ANKRD26: variants seen among roughly 807,000 people sequenced by gnomAD.
ANKRD26 encodes ankyrin repeat domain-containing protein 26.
Under a neutral mutation model 208.7 loss-of-function variants are expected in ANKRD26, and 141 were observed. That is an observed-to-expected ratio of 0.68 (90% CI 0.59 to 0.78). ANKRD26 has a LOEUF of 0.78. ANKRD26 is among the 30% of genes least tolerant of loss of function. The pLI is 0.00. For synonymous variants in ANKRD26, 636 were observed against 660.4 expected (o/e 0.96, Z 0.57); for missense variants, 1,889 against 1,938.7 (o/e 0.97, Z 0.48).
chr10:27,083,134 CCT>C (rs2135636951), intron 5 of ANKRD26, among the ~76,000 whole-genome samples: 1 of 152,244 alleles, frequency 6.6e-6, no homozygotes, highest in Admixed American at 6.5e-5. Context: ...CTCTCTGCCC[CCT>C]AACTTTTTAC....
chr10:27,006,463 A>C (rs1205546938), intron 33 of ANKRD26, among the ~76,000 whole-genome samples: 2 of 152,208 alleles, frequency 1.3e-5, no homozygotes, highest in African/African-American at 2.4e-5. Flanking sequence ...ATGACTGGAG[A>C]TTTCAAATGT....
rs370491617 is a variant in ANKRD26, at chr10:27,014,577, A to G, written c.4641T>C (p.Phe1547=). 7 of 1,607,486 alleles carry G rather than the reference A, an allele frequency of 4.4e-6. No individual in the cohort carries two copies. Among genetic ancestry groups the G allele is most frequent in the Non-Finnish European group, 6.0e-6 (7 of 1,176,252 alleles). ...LSKIKTSQED[F]NKTELEKYKQ... is the part of the protein sequence containing the mutation. ...TATATTTTTCCAGTTCGGTTTTATT[A>G]AAGTCTTCTTGAGAAGTTTTTATTT... The change falls in exon 31 of 34, where the codon TTT becomes TTC. Residue 1547 remains phenylalanine (F), a synonymous_variant. Coordinates refer to ENST00000376087, the MANE Select transcript of ANKRD26 (RefSeq NM_014915.3).
At chr10:27,041,250 A>G (rs932586023) in intron 20 of ANKRD26, among the ~76,000 whole-genome samples, 14 of 151,946 alleles carry the variant, frequency 9.2e-5, no homozygotes, top group African/African-American at 3.1e-4. Context: ...CGAGAGGTAC[A>G]GAGAACCCTG....
rs536740201 is a variant in ANKRD26, at chr10:27,058,283, C to G, written c.1564+2062G>C. Among the ~76,000 whole-genome samples, 4 of 152,234 alleles carry G rather than the reference C, an allele frequency of 2.6e-5. No individual in the cohort carries two copies. In the East Asian group the frequency reaches 5.8e-4, roughly 22 times the overall value. On this transcript the variant is annotated intron_variant, in intron 15 of 33. Transcript: ENST00000376087. ...TTTAAGAATCCCTAGAATCCAATAT[C>G]CATTCAAGGGTACAAGAGGTCACAT...
chr10:27,014,789 G>T, intron 30 of ANKRD26, 78 bp from the exon 31 acceptor site: 2 of 1,221,662 alleles, frequency 1.6e-6, no homozygotes, highest in Non-Finnish European at 2.3e-6. Context: ...GTGTCTAAGG[G>T]CTGTTTTGTT....
At chr10:27,022,505 A>T (rs2053523592) in intron 29 of ANKRD26, 53 bp downstream of exon 29, 1 of 1,368,986 alleles carries the variant, frequency 7.3e-7, no homozygotes. Context: ...TGAGAAGTCT[A>T]TATTTCCCAA....
chr10:27,005,381 T>C lies in ANKRD26; in HGVS notation c.*209A>G. 7.7e-7 allele frequency: 1 copy of C among 1,290,862 alleles called. No individual in the cohort carries two copies. Among genetic ancestry groups the C allele is most frequent in the Non-Finnish European group, 9.8e-7 (1 of 1,016,974 alleles). 80.0% of individuals were successfully genotyped at this position (1,290,862 alleles called of 1,614,324 possible). On this transcript the variant is annotated 3_prime_UTR_variant, in exon 34 of 34. Transcript: ENST00000376087. ...ACAGCTCACATTTGGGCAGTTTGAG[T>C]ATGTAAAACTCAATATTCCTGGTTT...
Position 27,092,405 on chromosome 10 carries a change from C to T in ANKRD26, c.638+1G>A. The stretch of plus-strand genomic sequence containing the variant: ...ATCCAAAACAAAACCAGCTACTGTA[C>T]CTTTCCAACTTATCTACTGCATTTA... On this transcript the variant is annotated splice_donor_variant, in intron 4 of 33. Coordinates refer to ENST00000376087, the MANE Select transcript of ANKRD26 (RefSeq NM_014915.3). LOFTEE classifies it high-confidence loss of function. 6.2e-7 allele frequency: 1 copy of T among 1,601,108 alleles called. No individual in the cohort carries two copies. The highest frequency in any genetic ancestry group is 8.5e-7 in the Non-Finnish European group (1 of 1,169,684).
At chr10:27,017,117 G>A (rs1184705084) in intron 30 of ANKRD26, among the ~76,000 whole-genome samples, 6 of 152,062 alleles carry the variant, frequency 3.9e-5, no homozygotes, top group African/African-American at 1.4e-4. Flanking sequence ...TTGAATCATT[G>A]TTTCATTAGT....
chr10:27,025,227 A>C (rs1287377921), intron 27 of ANKRD26, among the ~76,000 whole-genome samples: 1 of 151,914 alleles, frequency 6.6e-6, no homozygotes, highest in African/African-American at 2.4e-5. Flanking sequence ...CTGGAGTGTA[A>C]TGGTGCAATC....
chr10:27,034,665 C>G (rs2053983691), intron 24 of ANKRD26, 131 bp downstream of exon 24: 1 of 571,316 alleles, frequency 1.8e-6, no homozygotes, highest in South Asian at 3.1e-5. Context: ...TTGCTGAAAA[C>G]AAGGGATGTT....
At position 27,017,791 on chromosome 10, in the gene ANKRD26, A is replaced by G. The variant is rs757921752; in HGVS notation, c.4217T>C (p.Ile1406Thr). ...DIQINKLKHK[I>T]DDLTAELETA... is the part of the protein sequence containing the mutation. The stretch of plus-strand genomic sequence containing the variant: ...CTCCAGTTCTGCTGTAAGATCATCA[A>G]TCTGAATGAAGACAATAATATAGTG... Residue 1406 changes from isoleucine to threonine, a missense_variant and splice_region_variant, in exon 30 of 34, where the codon ATT becomes ACT. Physicochemically the swap from Ile to Thr is moderately conservative, Grantham distance 89. This residue lies in a region of ANKRD26 where 613 missense variants were observed against 648.2 expected (regional missense o/e 0.95). Transcript: ENST00000376087. 10 of 1,611,722 alleles carry G rather than the reference A, an allele frequency of 6.2e-6. No homozygotes were observed. Among genetic ancestry groups the G allele is most frequent in the South Asian group, 2.2e-5 (2 of 90,944 alleles).
intron 29 of ANKRD26, among the ~76,000 whole-genome samples, chr10:27,019,130 A>G (rs1024788985): frequency 6.6e-6 from 1 of 152,046 alleles, no homozygotes; most frequent in Admixed American, 6.5e-5. Flanking sequence ...AATACAAAAA[A>G]TTAGACAGGC....
chr10:27,028,237 C>T (rs1036818801), intron 27 of ANKRD26, among the ~76,000 whole-genome samples: 2 of 152,140 alleles, frequency 1.3e-5, no homozygotes, highest in Non-Finnish European at 2.9e-5. Context: ...CACCTGACCT[C>T]ATGTGACATG....
intron 4 of ANKRD26, among the ~76,000 whole-genome samples, chr10:27,089,062 T>A (rs1246497734): frequency 6.6e-6 from 1 of 152,174 alleles, no homozygotes; most frequent in African/African-American, 2.4e-5. Flanking sequence ...GTCCTAACTT[T>A]GAAGTCTACC....
chr10:26,951,019 C>CTTTTTTTTTTTTT, the ANKRD26 span, among the ~76,000 whole-genome samples: 7 of 48,596 alleles, frequency 1.4e-4, no homozygotes, highest in East Asian at 9.0e-4. Flanking sequence ...TTTTCTTTTT[C>CTTTTTTTTTTTTT]TTTTTTTTTT....
At chr10:26,986,087 AC>A (rs1413571578) in intron 3 of ANKRD26, among the ~76,000 whole-genome samples, 1 of 152,208 alleles carries the variant, frequency 6.6e-6, no homozygotes, top group East Asian at 1.9e-4. Flanking sequence ...AGAGATATAG[AC>A]CAATGGAACA....
chr10:27,100,186 G>T lies in ANKRD26; in HGVS notation c.141C>A (p.Leu47=), dbSNP rs373157833. The T allele has an allele frequency of 3.0e-4, 487 of 1,613,886 alleles. No homozygotes were observed. Among genetic ancestry groups the T allele is most frequent in the Admixed American group, 5.0e-4 (30 of 60,006 alleles). The change falls in exon 1 of 34, where the codon CTC becomes CTA. Residue 47 remains leucine, a synonymous_variant. Transcript: ENST00000376087. ...CGCTGGCAGCTTTGTGGATCTTGCC[G>T]AGATCTCGGTCTCGGACGTGGTAGC... ...QPGYHVRDRD[L]GKIHKAASAG...
At chr10:26,988,628 A>C (rs1220199409), downstream of ANKRD26, among the ~76,000 whole-genome samples, 2 of 152,076 alleles carry the variant, frequency 1.3e-5, no homozygotes, top group African/African-American at 4.8e-5. Flanking sequence ...CTACAGGAAT[A>C]CTAAAGAAGG....
Sources: allele counts gnomAD v4.1 joint callset (sites outside exome capture counted in the v4.1 genomes callset), GRCh38; gene constraint gnomAD v4.1.1; regional missense constraint gnomAD v4.1.1; transcripts MANE v1.5; gene names NCBI Gene and HGNC (gene_info 2026-07-23, HGNC 2026-07-21).